Variants in IGF2R observed in about 807,000 individuals in gnomAD.
IGF2R encodes insulin like growth factor 2 receptor.
In IGF2R, 91 loss-of-function variants were observed where a neutral mutation model predicts 270.6. The ratio of observed to expected loss-of-function variants is 0.34; its 90% CI spans 0.28 to 0.40. The LOEUF (loss-of-function observed/expected upper bound fraction) is 0.40, where lower values mean the gene tolerates loss of function less well. Ranked by LOEUF, IGF2R falls within the 10% of genes least tolerant of loss-of-function variation. IGF2R has a pLI of 1.00. For synonymous variants in IGF2R, 1,316 were observed against 1,258.9 expected (o/e 1.05, Z -0.96); for missense variants, 2,805 against 3,188.3 (o/e 0.88, Z 2.90).
intron 1 of IGF2R, among the ~76,000 whole-genome samples, chr6:159,986,397 A>G (rs1783884699): frequency 7.5e-6 from 1 of 133,624 alleles, no homozygotes; most frequent in Non-Finnish European, 1.6e-5. Context: ...ATGCCTGGCT[A>G]ATTTTTGTGT....
At chr6:160,080,303 A>C in intron 39 of IGF2R, 28 bp downstream of exon 39, 2 of 1,607,356 alleles carry the variant, frequency 1.2e-6, no homozygotes, top group Non-Finnish European at 1.7e-6. Context: ...GCGTCCCCAC[A>C]TGGCCTGGGG....
intron 4 of IGF2R, among the ~76,000 whole-genome samples, chr6:160,011,264 T>G (rs1338476167): frequency 6.6e-6 from 1 of 152,182 alleles, no homozygotes; most frequent in Non-Finnish European, 1.5e-5. Flanking sequence ...AGCCTTGGGA[T>G]GACTTCTGGC....
At chr6:160,065,814 G>GTGTATGTATATATATATATATATATA in intron 29 of IGF2R, among the ~76,000 whole-genome samples, 1 of 78,392 alleles carries the variant, frequency 1.3e-5, no homozygotes, top group African/African-American at 5.6e-5. Context: ...GTGTGTGTGT[G>GTGTATGTATATATATATATATATATA]TATATATATA....
At chr6:160,089,337 T>C (rs1779167618) in intron 43 of IGF2R, 84 bp downstream of exon 43, 5 of 1,267,136 alleles carry the variant, frequency 3.9e-6, no homozygotes, top group Non-Finnish European at 5.5e-6. Flanking sequence ...CGGGGAGCAC[T>C]GCAGGATAAA....
Position 160,073,387 on chromosome 6 carries a change from A to G in IGF2R, c.4865A>G (p.Asn1622Ser), listed in dbSNP as rs766092725. The stretch of plus-strand genomic sequence containing the variant: ...TGCAGGCCTGAGGCCAGGCCAACCA[A>G]TAGGCCCATGCTCATCTCCCTGGAC... ...FVCRPEARPT[N>S]RPMLISLDKQ... The change falls in exon 34 of 48, where the codon AAT becomes AGT. Residue 1622 changes from asparagine (N) to serine (S), a missense_variant. Around this residue, in one of 2 missense-constraint regions of IGF2R, gnomAD observed 1,851 missense variants for 2,207.2 expected, o/e 0.84. Transcript: ENST00000356956. 39 of 1,614,034 alleles carry G rather than the reference A, an allele frequency of 2.4e-5. No individual in the cohort carries two copies. In the East Asian group the frequency reaches 2.9e-4, roughly 12 times the overall value.
rs141420320 is a variant in IGF2R, at chr6:160,048,443, C to G, written c.2414C>G (p.Thr805Arg). 6.2e-7 allele frequency: 1 copy of G among 1,614,070 alleles called. No homozygotes were observed. The highest frequency in any genetic ancestry group is 8.5e-7 in the Non-Finnish European group (1 of 1,180,006). ...ATGGACAACTCAGGGGAACATGTCA[C>G]GTGGAGGAAATACTACATTAACGTG... ...YAMDNSGEHV[T>R]WRKYYINVCR... is the part of the protein sequence containing the mutation. The change falls in exon 18 of 48, where the codon ACG becomes AGG. Residue 805 changes from threonine (T) to arginine (R), a missense_variant. Coordinates refer to ENST00000356956, the MANE Select transcript of IGF2R (RefSeq NM_000876.4).
rs1296994864 is a variant in IGF2R, at chr6:160,102,774, A to G, written c.6995+103A>G. The G allele has an allele frequency of 8.3e-6, 11 of 1,321,084 alleles. No individual in the cohort carries two copies. Among genetic ancestry groups the G allele is most frequent in the African/African-American group, 1.5e-5 (1 of 67,476 alleles). The allele number at this position is 1,321,084 out of a possible 1,614,324, so 81.8% of individuals were successfully genotyped here. On this transcript the variant is annotated intron_variant, in intron 46 of 47. Transcript: ENST00000356956. This position sits in a 1 kb window ranked among gnomAD's most constrained non-coding sequence, Gnocchi z 4.5. The stretch of plus-strand genomic sequence containing the variant: ...TTTTATTTATTTGTTTTTAAGCCCT[A>G]CAGCAGCGAAGGCTCGAGGTTCTTA...
chr6:160,043,645 A>G (rs772112191), intron 12 of IGF2R, among the ~76,000 whole-genome samples: 5 of 152,262 alleles, frequency 3.3e-5, no homozygotes, highest in African/African-American at 4.8e-5. Context: ...AGAATCGTTC[A>G]AAAGTTATGG....
At chr6:159,980,134 T>C (rs558795285) in intron 1 of IGF2R, among the ~76,000 whole-genome samples, 142 of 150,478 alleles carry the variant, frequency 9.4e-4, no homozygotes, top group African/African-American at 3.5e-3. Flanking sequence ...TGAGCTGAGA[T>C]CGCACCGCTG....
intron 44 of IGF2R, chr6:160,095,174 T>G (rs1036155058): frequency 6.6e-6 from 1 of 152,198 alleles, no homozygotes; most frequent in Non-Finnish European, 1.5e-5. Flanking sequence ...ATTCAAAAAG[T>G]AGCAATATGC....
rs1300937140 is a variant in IGF2R at position 160,102,195 on chromosome 6, G to A, written c.6843-324G>A. ...ACAGCCTCTGCCCCAGCCTAGTCCT[G>A]CCGTGGATTGGGCCACCTAGAGGGG... On this transcript the variant is annotated intron_variant, in intron 45 of 47. Transcript: ENST00000356956. The surrounding 1 kb of genome is among the most constrained non-coding windows in gnomAD (Gnocchi z 4.5). 6.6e-6 allele frequency among the ~76,000 whole-genome samples: 1 copy of A among 152,224 alleles called. No individual in the cohort carries two copies. The highest frequency in any genetic ancestry group is 6.5e-5 in the Admixed American group (1 of 15,282).
At chr6:160,081,414 G>A (rs1363343531) in intron 39 of IGF2R, among the ~76,000 whole-genome samples, 1 of 152,184 alleles carries the variant, frequency 6.6e-6, no homozygotes, top group African/African-American at 2.4e-5. Context: ...GAGATCACAT[G>A]CTTCAAGGAT....
chr6:159,983,952 A>G (rs1344365104), intron 1 of IGF2R, among the ~76,000 whole-genome samples: 2 of 152,218 alleles, frequency 1.3e-5, no homozygotes, highest in African/African-American at 2.4e-5. Context: ...GGCAATTCAC[A>G]CTGTGCAGAA....
intron 41 of IGF2R, among the ~76,000 whole-genome samples, chr6:160,086,937 G>T (rs1325235383): frequency 6.6e-6 from 1 of 152,070 alleles, no homozygotes; most frequent in Non-Finnish European, 1.5e-5. Flanking sequence ...GCCATGCCCT[G>T]GAGACATCAT....
chr6:159,970,832 C>A (rs973221483), intron 1 of IGF2R, among the ~76,000 whole-genome samples: 2 of 151,828 alleles, frequency 1.3e-5, no homozygotes, highest in African/African-American at 4.8e-5. Context: ...GAATCCAGCA[C>A]TTTGGAAGGC....
intron 26 of IGF2R, 80 bp downstream of exon 26, chr6:160,062,699 C>A (rs1340387964): frequency 2.0e-6 from 2 of 981,492 alleles, no homozygotes; most frequent in African/African-American, 3.3e-5. Context: ...AGATATGAGA[C>A]CGTGTGATAA....
At chr6:160,034,323 T>C (rs1055889367) in intron 9 of IGF2R, 96 bp from the exon 10 acceptor site, 34 of 722,300 alleles carry the variant, frequency 4.7e-5, no homozygotes, top group Non-Finnish European at 8.2e-5. Flanking sequence ...GATTTGTTGA[T>C]GCTACGCAAA....
chr6:160,102,633 C>T lies in IGF2R; in HGVS notation c.6957C>T (p.Cys2319=). ...VLSLLLVALT[C]CLLALLLYKK... ...GCCTGCTGCTGGTGGCGCTCACCTG[C>T]TGCCTGCTGGCCCTGTTGCTCTACA... The change falls in exon 46 of 48, where the codon TGC becomes TGT. Residue 2319 remains cysteine, a synonymous_variant. Coordinates refer to ENST00000356956, the MANE Select transcript of IGF2R (RefSeq NM_000876.4). This position sits in a 1 kb window ranked among gnomAD's most constrained non-coding sequence, Gnocchi z 4.5. 6.2e-7 allele frequency: 1 copy of T among 1,612,248 alleles called. No individual in the cohort carries two copies. The highest frequency in any genetic ancestry group is 8.5e-7 in the Non-Finnish European group (1 of 1,179,022).
chr6:159,987,257 A>G (rs1029549613), intron 1 of IGF2R, among the ~76,000 whole-genome samples: 2 of 152,246 alleles, frequency 1.3e-5, no homozygotes, highest in Non-Finnish European at 2.9e-5. Flanking sequence ...TAGTGGAAAC[A>G]TATCTAGTGA....
Sources: gnomAD v4.1 joint callset for allele counts (sites outside exome capture counted in the v4.1 genomes callset) on GRCh38, gnomAD v4.1.1 for gene constraint, gnomAD v4.1.1 regional missense constraint, Gnocchi (gnomAD v3.1) non-coding constraint, MANE v1.5 for transcripts, NCBI Gene and HGNC (gene_info 2026-07-23, HGNC 2026-07-21) for gene names.